The following LCA5 variants were observed in gnomAD, a reference collection of about 807,000 sequenced individuals.
The protein encoded by LCA5 is lebercilin LCA5.
In LCA5, 37 loss-of-function variants were observed where a neutral mutation model predicts 53.0. The ratio of observed to expected loss-of-function variants is 0.70; its 90% CI spans 0.54 to 0.92. LCA5 has a LOEUF of 0.92. LCA5 is among the 40% of genes least tolerant of loss of function. The probability of loss-of-function intolerance (pLI) is 0.00; values close to 1 mark genes in which losing one functional copy is unlikely to be tolerated. For synonymous variants in LCA5, 303 were observed against 282.9 expected (o/e 1.07, Z -0.71); for missense variants, 806 against 790.5 (o/e 1.02, Z -0.23).
In LCA5 at chr6:79,524,139, T is replaced by G. The variant is rs920687085; in HGVS notation, c.-191-5054A>C. Among the ~76,000 whole-genome samples, 14 of 152,294 alleles carry G rather than the reference T, an allele frequency of 9.2e-5. No homozygotes were observed. In the South Asian group the frequency reaches 2.9e-3, roughly 32 times the overall value. ...AATAGCCTGAAGTCCATTCCATTCT[T>G]CCTCCTAAAGACATTTTCCTCGAAT... is the stretch of plus-strand genomic sequence containing the variant. On this transcript the variant is annotated intron_variant, in intron 1 of 7. Coordinates refer to ENST00000369846, the MANE Select transcript of LCA5 (RefSeq NM_001122769.3).
chr6:79,520,014 G>A (rs1766580866), intron 1 of LCA5, among the ~76,000 whole-genome samples: 1 of 152,022 alleles, frequency 6.6e-6, no homozygotes, highest in Non-Finnish European at 1.5e-5. Flanking sequence ...ATCAGAAAAA[G>A]ATCCCTAGAG....
At chr6:79,496,370 T>G (rs1769985114) in intron 3 of LCA5, among the ~76,000 whole-genome samples, 1 of 152,206 alleles carries the variant, frequency 6.6e-6, no homozygotes, top group South Asian at 2.1e-4. Context: ...GACTTCTGCA[T>G]GAATGTTCAC....
intron 1 of LCA5, among the ~76,000 whole-genome samples, chr6:79,521,868 C>T (rs180963101): frequency 1.2e-4 from 18 of 152,220 alleles, no homozygotes; most frequent in Admixed American, 3.9e-4. Context: ...AAAGCAAGGA[C>T]GCTATCAGAT....
At position 79,487,783 on chromosome 6, in the gene LCA5, C is replaced by T; in HGVS notation, c.1315G>A (p.Gly439Arg). The T allele has an allele frequency of 6.2e-7, 1 of 1,612,422 alleles. No individual in the cohort carries two copies. Among genetic ancestry groups the T allele is most frequent in the Non-Finnish European group, 8.5e-7 (1 of 1,179,386 alleles). ...GGATACATTCCTAGTTGGTACCTTC[C>T]AGTTTCCCACTCTGGCTTTTCTTCT... ...EREEKPEWET[G>R]RYQLGMYPIQ... The change falls in exon 8 of 8, where the codon GGA becomes AGA. Residue 439 changes from glycine to arginine, a missense_variant. Physicochemically the swap from Gly to Arg is moderately radical, Grantham distance 125. Transcript: ENST00000369846.
chr6:79,529,954 T>G (rs1256247088), intron 1 of LCA5, among the ~76,000 whole-genome samples: 7 of 78,666 alleles, frequency 8.9e-5, no homozygotes, highest in African/African-American at 2.6e-4. Flanking sequence ...CAGGGGCTGT[T>G]GTGGGGTGGG....
chr6:79,485,749 A>G lies in LCA5; in HGVS notation c.*1255T>C, dbSNP rs1351662686. 1 of 152,186 alleles carries G rather than the reference A, an allele frequency of 6.6e-6. No homozygotes were observed. The highest frequency in any genetic ancestry group is 1.5e-5 in the Non-Finnish European group (1 of 68,004). The allele number at this position is 152,186 out of a possible 1,614,324, so 9.4% of individuals were successfully genotyped here. ...CTTGAAAAAAACAGCTCACTTTAGAATAAGTGCCAATCTAAATTTTTTATT... is the reference window on the plus strand; with the variant it reads ...CTTGAAAAAAACAGCTCACTTTAGAGTAAGTGCCAATCTAAATTTTTTATT... On this transcript the variant is annotated 3_prime_UTR_variant, in exon 8 of 8. Transcript: ENST00000369846.
At chr6:79,501,710 T>C (rs911449106) in intron 3 of LCA5, among the ~76,000 whole-genome samples, 3 of 150,636 alleles carry the variant, frequency 2.0e-5, no homozygotes, top group African/African-American at 7.3e-5. Context: ...TATATTAATA[T>C]ATGGCATATA....
At chr6:79,489,352 A>G (rs1262197890) in intron 6 of LCA5, 136 bp from the exon 7 acceptor site, 1 of 878,046 alleles carries the variant, frequency 1.1e-6, no homozygotes, top group Non-Finnish European at 1.8e-6. Context: ...TGAATCAGTA[A>G]ATCACAAGTT....
Position 79,491,569 on chromosome 6 carries a change from A to C in LCA5, c.1098+19T>G, listed in dbSNP as rs1404552053. On this transcript the variant is annotated intron_variant, in intron 6 of 7. Coordinates refer to ENST00000369846, the MANE Select transcript of LCA5 (RefSeq NM_001122769.3). ...AACTTCAGACCGAGTTTGGTACATA[A>C]CAATACTGCTAAACTCACCAAAGTA... 2 of 1,612,016 alleles carry C rather than the reference A, an allele frequency of 1.2e-6. No homozygotes were observed. Among genetic ancestry groups the C allele is most frequent in the Admixed American group, 1.7e-5 (1 of 59,970 alleles).
intron 3 of LCA5, among the ~76,000 whole-genome samples, chr6:79,496,278 A>G (rs922785399): frequency 6.6e-6 from 1 of 152,208 alleles, no homozygotes; most frequent in African/African-American, 2.4e-5. Context: ...GTTGGGCAGT[A>G]AAACATACAT....
chr6:79,485,499 T>C lies in LCA5; in HGVS notation c.*1505A>G, dbSNP rs931920740. 1.3e-5 allele frequency: 2 copies of C among 152,536 alleles called. No homozygotes were observed. The highest frequency in any genetic ancestry group is 4.8e-5 in the African/African-American group (2 of 41,458). 9.4% of individuals were successfully genotyped at this position (152,536 alleles called of 1,614,324 possible). ...AACTTTTTAATATAGTTTAGCACTT[T>C]TGAGAGATTCTGTTCCCAATAAATG... On this transcript the variant is annotated 3_prime_UTR_variant, in exon 8 of 8. Transcript: ENST00000369846.
chr6:79,487,617 T>A lies in LCA5; in HGVS notation c.1481A>T (p.Asp494Val), dbSNP rs767411685. 3.7e-6 allele frequency: 6 copies of A among 1,614,040 alleles called. No individual in the cohort carries two copies. In the Admixed American group the frequency reaches 1.0e-4, roughly 27 times the overall value. ...TGGGGAGTGTAGTTTTGATTCAAAA[T>A]CAGGTAACAATGGCAAAACAGGGTA... ...LKYPVLPLLPDFESKLHSPER... is the reference protein window; with the variant it reads ...LKYPVLPLLPVFESKLHSPER... Residue 494 changes from aspartate (D) to valine (V), a missense_variant, in exon 8 of 8, where the codon GAT (aspartate) becomes GTT (valine). By Grantham distance (152) the Asp-to-Val change is radical. Transcript: ENST00000369846.
rs373424304 is a variant in LCA5, at chr6:79,501,057, A to C, written c.721-7307T>G. Among the ~76,000 whole-genome samples the C allele has an allele frequency of 3.3e-5, 5 of 152,282 alleles. No homozygotes were observed. The East Asian group carries it at 9.6e-4, about 29-fold the overall frequency. ...TTCCCTTCTGATTTTTTAAGTGGCC[A>C]TACAATTATAGGTTCATATACTTAA... On this transcript the variant is annotated intron_variant, in intron 3 of 7. Transcript: ENST00000369846.
rs2127694301 is a variant in LCA5 at position 79,537,261 on chromosome 6, ACCG to A, written c.-291_-289del. 1 of 152,942 alleles carries A rather than the reference ACCG, an allele frequency of 6.5e-6. No individual in the cohort carries two copies. The highest frequency in any genetic ancestry group is 1.5e-5 in the Non-Finnish European group (1 of 68,526). The allele number at this position is 152,942 out of a possible 1,614,324, so 9.5% of individuals were successfully genotyped here. On this transcript the variant is annotated 5_prime_UTR_variant, in exon 1 of 8. Coordinates refer to ENST00000369846, the MANE Select transcript of LCA5 (RefSeq NM_001122769.3). ...CTCCCAGCTGGGGCCTCGGCGTCTG[ACCG>A]CCAAAGAGCGGGTGCCTGGTTCCTG...
chr6:79,503,181 C>T (rs1770189380), intron 3 of LCA5, among the ~76,000 whole-genome samples: 1 of 152,172 alleles, frequency 6.6e-6, no homozygotes, highest in South Asian at 2.1e-4. Flanking sequence ...TGCACCCGGC[C>T]ATGACCTATC....
upstream of LCA5, among the ~76,000 whole-genome samples, chr6:79,538,765 T>C (rs778378961): frequency 5.9e-5 from 9 of 152,240 alleles, no homozygotes; most frequent in Non-Finnish European, 1.3e-4. Flanking sequence ...GAGCTGAGAA[T>C]GAAACCACCA....
At chr6:79,510,071 CAT>C (rs1770371616) in intron 3 of LCA5, among the ~76,000 whole-genome samples, 1 of 152,126 alleles carries the variant, frequency 6.6e-6, no homozygotes, top group African/African-American at 2.4e-5. Flanking sequence ...TGAGATATAA[CAT>C]GAGAGGAATC....
chr6:79,493,764 T>C lies in LCA5; in HGVS notation c.721-14A>G. 6.3e-7 allele frequency: 1 copy of C among 1,597,670 alleles called. No individual in the cohort carries two copies. Among genetic ancestry groups the C allele is most frequent in the Non-Finnish European group, 8.5e-7 (1 of 1,170,844 alleles). On this transcript the variant is annotated splice_polypyrimidine_tract_variant and intron_variant, in intron 3 of 7. Transcript: ENST00000369846. The stretch of plus-strand genomic sequence containing the variant: ...TTTCGATAGCTCCTATATGTATAAA[T>C]ACATAAAAAGCAGTCCTTTAAAAAA...
intron 3 of LCA5, among the ~76,000 whole-genome samples, chr6:79,507,962 G>A (rs894288068): frequency 6.6e-6 from 1 of 152,040 alleles, no homozygotes; most frequent in African/African-American, 2.4e-5. Flanking sequence ...TCTTGAACCT[G>A]GTGCCATTCC....
Sources: allele counts gnomAD v4.1 joint callset (sites outside exome capture counted in the v4.1 genomes callset), GRCh38; gene constraint gnomAD v4.1.1; transcripts MANE v1.5; gene names NCBI Gene and HGNC (gene_info 2026-07-23, HGNC 2026-07-21).